GSTCD: variants seen among roughly 807,000 people sequenced by gnomAD.
GSTCD encodes the protein glutathione S-transferase C-terminal domain containing.
Under a neutral mutation model 68.3 loss-of-function variants are expected in GSTCD, and 44 were observed. The ratio of observed to expected loss-of-function variants is 0.64; its 90% CI spans 0.51 to 0.83. The LOEUF (loss-of-function observed/expected upper bound fraction) is 0.83. Among genes scored for constraint, GSTCD ranks in the 40% least tolerant of loss-of-function variants. GSTCD has a pLI of 0.00. For synonymous variants in GSTCD, 273 were observed against 255.2 expected (o/e 1.07, Z -0.67); for missense variants, 739 against 735.9 (o/e 1.00, Z -0.05).
intron 5 of GSTCD, among the ~76,000 whole-genome samples, chr4:105,791,210 A>G (rs1201019875): frequency 6.6e-6 from 1 of 151,764 alleles, no homozygotes; most frequent in African/African-American, 2.4e-5. Context: ...TGGCTAACAC[A>G]GTGAAACCCC....
chr4:105,758,539 A>G (rs1229040400), intron 5 of GSTCD, among the ~76,000 whole-genome samples: 2 of 152,170 alleles, frequency 1.3e-5, no homozygotes, highest in Non-Finnish European at 2.9e-5. Context: ...TCTGCCATAA[A>G]TGGAAGCTTC....
At chr4:105,839,383 C>G (rs1398207925) in intron 10 of GSTCD, among the ~76,000 whole-genome samples, 2 of 152,204 alleles carry the variant, frequency 1.3e-5, no homozygotes, top group Non-Finnish European at 2.9e-5. Context: ...CGCCTGTAAA[C>G]CCAGCACTTT....
intron 5 of GSTCD, chr4:105,760,995 AATTTT>A: frequency 7.7e-6 from 2 of 258,994 alleles, no homozygotes; most frequent in South Asian, 3.0e-5. Context: ...ATCCTTTTTT[AATTTT>A]TTTTTTTTTT....
chr4:105,834,355 C>A, intron 8 of GSTCD, 106 bp from the exon 9 acceptor site: 3 of 925,622 alleles, frequency 3.2e-6, no homozygotes, highest in Non-Finnish European at 4.9e-6. Flanking sequence ...ATATGTGTAG[C>A]TAAGTGGTCC....
intron 5 of GSTCD, among the ~76,000 whole-genome samples, chr4:105,779,077 A>G (rs1042010984): frequency 1.3e-5 from 2 of 152,232 alleles, no homozygotes; most frequent in African/African-American, 4.8e-5. Flanking sequence ...ATTATTATCT[A>G]TTCCACAGAC....
At chr4:105,745,835 G>A (rs1034272008) in intron 5 of GSTCD, among the ~76,000 whole-genome samples, 1 of 152,188 alleles carries the variant, frequency 6.6e-6, no homozygotes, top group African/African-American at 2.4e-5. Flanking sequence ...AGGTGCTTAG[G>A]TGTTGTTCCA....
At position 105,719,502 on chromosome 4, in the gene GSTCD, T is replaced by A; in HGVS notation, c.869T>A (p.Leu290His). ...TACTTCACTCTGGCAGATATTGTGC[T>A]CTTGCCCTGTATCCATCATTTCTTG... ...GLYFTLADIVLLPCIHHFLVI... is the reference protein window; with the variant it reads ...GLYFTLADIVHLPCIHHFLVI... Residue 290 changes from leucine (L) to histidine (H), a missense_variant, in exon 3 of 12, where the codon CTC becomes CAC. Leu to His is a moderately conservative substitution (Grantham distance 99). Coordinates refer to ENST00000515279, the MANE Select transcript of GSTCD (RefSeq NM_001370181.1). 1 of 1,613,826 alleles carries A rather than the reference T, an allele frequency of 6.2e-7. No homozygotes were observed. The highest frequency in any genetic ancestry group is 8.5e-7 in the Non-Finnish European group (1 of 1,179,736).
At chr4:105,724,814 A>G (rs1241732208) in intron 3 of GSTCD, among the ~76,000 whole-genome samples, 1 of 151,996 alleles carries the variant, frequency 6.6e-6, no homozygotes, top group Non-Finnish European at 1.5e-5. Context: ...ACTTATTTTA[A>G]TTCTTTCCCC....
chr4:105,778,561 A>AT (rs937984068), intron 5 of GSTCD, among the ~76,000 whole-genome samples: 26 of 152,126 alleles, frequency 1.7e-4, no homozygotes, highest in South Asian at 4.1e-4. Context: ...TTATCATGCC[A>AT]TTTTTTTCCC....
intron 5 of GSTCD, among the ~76,000 whole-genome samples, chr4:105,735,451 C>T (rs113357764): frequency 0.014 from 2,067 of 152,296 alleles, 60 homozygotes; most frequent in African/African-American, 0.047. Flanking sequence ...AGCAAGGCTC[C>T]GTTGGCGTGG....
intron 5 of GSTCD, among the ~76,000 whole-genome samples, chr4:105,745,504 A>T (rs1270306037): frequency 6.6e-6 from 1 of 152,174 alleles, no homozygotes; most frequent in Non-Finnish European, 1.5e-5. Context: ...TCTCTGTGTG[A>T]TGAACAAGGT....
intron 5 of GSTCD, among the ~76,000 whole-genome samples, chr4:105,793,993 G>C (rs1049856340): frequency 1.3e-5 from 2 of 151,878 alleles, no homozygotes; most frequent in African/African-American, 4.8e-5. Context: ...TGAAACTGTG[G>C]GTTGATTTGG....
chr4:105,765,938 A>T (rs1316296831), intron 5 of GSTCD, among the ~76,000 whole-genome samples: 2 of 152,198 alleles, frequency 1.3e-5, no homozygotes, highest in Non-Finnish European at 2.9e-5. Flanking sequence ...CTGTGAGTCA[A>T]TTAAACCTCT....
chr4:105,760,996 A>ATTT (rs35581423), intron 5 of GSTCD: 386 of 174,886 alleles, frequency 2.2e-3, no homozygotes, highest in South Asian at 3.3e-3. Flanking sequence ...TCCTTTTTTA[A>ATTT]TTTTTTTTTT....
At chr4:105,832,988 C>T (rs934008962) in intron 8 of GSTCD, among the ~76,000 whole-genome samples, 5 of 152,130 alleles carry the variant, frequency 3.3e-5, no homozygotes, top group Admixed American at 1.3e-4. Flanking sequence ...CAGAGTGAAA[C>T]AAGAAAGGTG....
chr4:105,779,823 C>T (rs916516115), intron 5 of GSTCD, among the ~76,000 whole-genome samples: 1 of 152,188 alleles, frequency 6.6e-6, no homozygotes, highest in African/African-American at 2.4e-5. Context: ...CAGGCATTGC[C>T]TATTAATGCT....
intron 8 of GSTCD, among the ~76,000 whole-genome samples, chr4:105,830,761 A>G (rs868862665): frequency 4.1e-4 from 62 of 152,118 alleles, no homozygotes; most frequent in African/African-American, 1.4e-3. Flanking sequence ...GCTTTTGGGT[A>G]GGGAACAACT....
At chr4:105,805,981 G>A (rs1457591960) in intron 5 of GSTCD, among the ~76,000 whole-genome samples, 1 of 151,916 alleles carries the variant, frequency 6.6e-6, no homozygotes, top group African/African-American at 2.4e-5. Flanking sequence ...AAAAAACTTA[G>A]GCTGATTTTG....
intron 5 of GSTCD, among the ~76,000 whole-genome samples, chr4:105,773,483 C>T (rs936168207): frequency 6.6e-6 from 1 of 152,152 alleles, no homozygotes; most frequent in African/African-American, 2.4e-5. Flanking sequence ...CCTGCTTTCT[C>T]CTGTGGACAT....
Sources: gnomAD v4.1 joint callset for allele counts (sites outside exome capture counted in the v4.1 genomes callset) on GRCh38, gnomAD v4.1.1 for gene constraint, MANE v1.5 for transcripts, NCBI Gene and HGNC (gene_info 2026-07-23, HGNC 2026-07-21) for gene names.